LRRC49: variants seen among roughly 807,000 people sequenced by gnomAD.
LRRC49 encodes the protein leucine rich repeat containing 49, also known as leucine-rich repeat-containing protein 49.
LRRC49 carries 50 observed loss-of-function variants against 83.3 expected under a neutral mutation model. That is an observed-to-expected ratio of 0.60 (90% CI 0.48 to 0.76). The LOEUF (loss-of-function observed/expected upper bound fraction) is 0.76. LRRC49 is among the 30% of genes least tolerant of loss of function. The pLI, the probability that LRRC49 is intolerant of heterozygous loss-of-function variation, is 0.00. For missense variants in LRRC49, 704 were observed against 809.1 expected (o/e 0.87, Z 1.58); for synonymous variants, 286 against 283.3 (o/e 1.01, Z -0.10).
At position 70,931,629 on chromosome 15, in the gene LRRC49, C is replaced by T. The variant is rs556015136; in HGVS notation, c.712-5132C>T. ...ATTTTTTCTTGTTTTTAATTTTTTTCATTGCTCTTATAAATTTAAAGATAA... is the reference window on the plus strand; with the variant it reads ...ATTTTTTCTTGTTTTTAATTTTTTTTATTGCTCTTATAAATTTAAAGATAA... On this transcript the variant is annotated intron_variant, in intron 7 of 15. Transcript: ENST00000260382. 5.2e-4 allele frequency among the ~76,000 whole-genome samples: 79 copies of T among 152,028 alleles called. 1 individual carries two copies. Among genetic ancestry groups the T allele is most frequent in the Middle Eastern group, 3.4e-3 (1 of 292 alleles).
intron 9 of LRRC49, among the ~76,000 whole-genome samples, chr15:70,969,904 A>G (rs2036932574): frequency 1.3e-5 from 2 of 152,206 alleles, no homozygotes; most frequent in African/African-American, 2.4e-5. Flanking sequence ...TTCTAAATAT[A>G]CAATCATATC....
rs1177452120 is a variant in LRRC49 at position 70,870,812 on chromosome 15, T to C, written c.-298-2096T>C. Among the ~76,000 whole-genome samples the C allele has an allele frequency of 5.9e-5, 9 of 152,192 alleles. 1 individual carries two copies. On this transcript the variant is annotated intron_variant, in intron 1 of 16. Transcript: ENST00000544974. The stretch of plus-strand genomic sequence containing the variant: ...GCCAGCAGTAGGTAATTCTTAACCC[T>C]TTCAAGGTCATCATCTCAATTTCTT...
At chr15:71,026,074 C>G (rs1172356733) in intron 14 of LRRC49, among the ~76,000 whole-genome samples, 2 of 151,928 alleles carry the variant, frequency 1.3e-5, no homozygotes, top group East Asian at 1.9e-4. Flanking sequence ...CTTAGCCCCC[C>G]ACCCCCTGAC....
upstream of LRRC49, among the ~76,000 whole-genome samples, chr15:70,890,600 A>T (rs2141091709): frequency 6.6e-6 from 1 of 152,370 alleles, no homozygotes; most frequent in African/African-American, 2.4e-5. Context: ...CAATTATGGT[A>T]AGTGCTACTG....
intron 9 of LRRC49, among the ~76,000 whole-genome samples, chr15:70,966,667 A>T (rs2036806465): frequency 6.6e-6 from 1 of 152,160 alleles, no homozygotes; most frequent in Non-Finnish European, 1.5e-5. Context: ...CTAGACCATG[A>T]ATACTTATTA....
intron 2 of LRRC49, among the ~76,000 whole-genome samples, chr15:70,876,378 C>A (rs1343515770): frequency 2.6e-5 from 4 of 152,166 alleles, no homozygotes; most frequent in Admixed American, 6.5e-5. Flanking sequence ...ACTGTCTTTA[C>A]CTTCAGGCTG....
At chr15:71,037,653 G>T (rs550620512) in intron 15 of LRRC49, among the ~76,000 whole-genome samples, 1 of 152,112 alleles carries the variant, frequency 6.6e-6, no homozygotes, top group East Asian at 1.9e-4. Flanking sequence ...TAAGAAATAG[G>T]TTATAGGCTT....
At chr15:71,028,156 C>T (rs1019732837) in intron 14 of LRRC49, among the ~76,000 whole-genome samples, 4 of 151,998 alleles carry the variant, frequency 2.6e-5, no homozygotes, top group South Asian at 2.1e-4. Context: ...TGGCATGAAG[C>T]GATGTTTAAT....
At chr15:71,023,072 A>G (rs2039042894) in intron 14 of LRRC49, among the ~76,000 whole-genome samples, 1 of 152,250 alleles carries the variant, frequency 6.6e-6, no homozygotes. Context: ...AGATAATTTC[A>G]TAATAGAAAT....
At chr15:71,006,459 C>T (rs550565186) in intron 11 of LRRC49, among the ~76,000 whole-genome samples, 19 of 152,096 alleles carry the variant, frequency 1.2e-4, no homozygotes, top group African/African-American at 4.3e-4. Flanking sequence ...ATCAGGCGTC[C>T]CTATGTGGGT....
intron 11 of LRRC49, among the ~76,000 whole-genome samples, chr15:70,999,948 A>T (rs1158231273): frequency 1.3e-5 from 2 of 152,198 alleles, no homozygotes; most frequent in Non-Finnish European, 2.9e-5. Flanking sequence ...TCCTTCAGAG[A>T]GCCACCAAAC....
chr15:70,900,649 G>T (rs2034033586), intron 3 of LRRC49: 1 of 480,732 alleles, frequency 2.1e-6, no homozygotes, highest in African/African-American at 1.9e-5. Flanking sequence ...GGATTACAAA[G>T]GGATGAAGAT....
chr15:71,008,325 G>T, intron 11 of LRRC49, 54 bp from the exon 12 acceptor site: 1 of 1,013,292 alleles, frequency 9.9e-7, no homozygotes, highest in South Asian at 1.4e-5. Context: ...TCATTATACT[G>T]TTAGGTATTC....
intron 14 of LRRC49, among the ~76,000 whole-genome samples, chr15:71,029,586 T>C (rs1470607790): frequency 6.6e-6 from 1 of 152,180 alleles, no homozygotes; most frequent in African/African-American, 2.4e-5. Context: ...GTTAATTTTG[T>C]GTCTTGTTGA....
rs191661358 is a variant in LRRC49 at position 70,914,314 on chromosome 15, G to A, written c.567+2716G>A. Among the ~76,000 whole-genome samples, 65 of 152,236 alleles carry A rather than the reference G, an allele frequency of 4.3e-4. 1 individual carries two copies. Among genetic ancestry groups the A allele is most frequent in the African/African-American group, 1.5e-3 (63 of 41,554 alleles). ...TAGTAAAGAAGCTAAAAGACATTAA[G>A]TGAATGTTTTTTGTCTTTTGAATTT... On this transcript the variant is annotated intron_variant, in intron 6 of 15. Transcript: ENST00000260382.
At chr15:70,942,513 T>C (rs1264951102) in intron 8 of LRRC49, among the ~76,000 whole-genome samples, 2 of 152,318 alleles carry the variant, frequency 1.3e-5, no homozygotes, top group Admixed American at 1.3e-4. Context: ...TTAAGATATA[T>C]AACTAGTTTC....
intron 11 of LRRC49, among the ~76,000 whole-genome samples, chr15:70,994,347 C>A (rs1434085224): frequency 6.6e-6 from 1 of 152,130 alleles, no homozygotes; most frequent in East Asian, 1.9e-4. Flanking sequence ...AATGCCAACA[C>A]CAGACTCTTT....
At chr15:71,002,321 C>A (rs76707055) in intron 11 of LRRC49, among the ~76,000 whole-genome samples, 1 of 150,292 alleles carries the variant, frequency 6.7e-6, no homozygotes, top group African/African-American at 2.4e-5. Flanking sequence ...ATGGGGGGGG[C>A]GTGTAACTAA....
chr15:70,893,048 C>A, intron 1 of LRRC49, 106 bp downstream of exon 1: 2 of 1,264,478 alleles, frequency 1.6e-6, no homozygotes, highest in South Asian at 1.2e-5. Context: ...ACCGCTGGGT[C>A]TACTCAAGCT....
Sources: gnomAD v4.1 joint callset for allele counts (sites outside exome capture counted in the v4.1 genomes callset) on GRCh38, gnomAD v4.1.1 for gene constraint, MANE v1.5 for transcripts, NCBI Gene and HGNC (gene_info 2026-07-23, HGNC 2026-07-21) for gene names.